LYST: variants seen among roughly 807,000 people sequenced by gnomAD.
LYST encodes the protein lysosomal trafficking regulator.
Under a neutral mutation model 413.6 loss-of-function variants are expected in LYST, and 192 were observed. That is an observed-to-expected ratio of 0.46 (90% CI 0.41 to 0.52). LYST has a LOEUF of 0.52. Among genes scored for constraint, LYST ranks in the 20% least tolerant of loss-of-function variants. The pLI is 0.00. For missense variants in LYST, 3,815 were observed against 4,499.9 expected (o/e 0.85, Z 4.35); for synonymous variants, 1,525 against 1,567.3 (o/e 0.97, Z 0.64).
At chr1:235,828,827 T>G in intron 3 of LYST, 1 of 776,086 alleles carries the variant, frequency 1.3e-6, no homozygotes. Flanking sequence ...ATTTTAAATT[T>G]TATTTACAGA....
Position 235,677,078 on chromosome 1 carries a change from G to C in LYST, c.11038+13C>G, listed in dbSNP as rs1001555884. ...ACCAGCCAGCCCTGTGCTTTGGGTT[G>C]GAGCAAGCTCACCTGAATCACACAC... On this transcript the variant is annotated intron_variant, in intron 50 of 52. Coordinates refer to ENST00000389793, the MANE Select transcript of LYST (RefSeq NM_000081.4). The C allele has an allele frequency of 6.2e-7, 1 of 1,605,254 alleles. No homozygotes were observed. The highest frequency in any genetic ancestry group is 8.5e-7 in the Non-Finnish European group (1 of 1,172,030).
At chr1:235,805,256 C>T (rs1672687479) in intron 6 of LYST, among the ~76,000 whole-genome samples, 2 of 152,140 alleles carry the variant, frequency 1.3e-5, no homozygotes, top group South Asian at 4.1e-4. Context: ...AAGTCTCGTC[C>T]CAGCCTCATT....
At chr1:235,713,614 G>A (rs1662587795) in intron 42 of LYST, among the ~76,000 whole-genome samples, 2 of 152,326 alleles carry the variant, frequency 1.3e-5, no homozygotes, top group South Asian at 2.1e-4. Context: ...GGGGGATGGG[G>A]TGTGGGTGGT....
intron 46 of LYST, among the ~76,000 whole-genome samples, chr1:235,694,123 C>T (rs555355339): frequency 6.8e-4 from 103 of 151,738 alleles, no homozygotes; most frequent in African/African-American, 2.4e-3. Flanking sequence ...GATTCTCGTG[C>T]CTCAGCCTCC....
intron 24 of LYST, among the ~76,000 whole-genome samples, chr1:235,756,528 A>G (rs565579762): frequency 6.6e-6 from 1 of 152,274 alleles, no homozygotes; most frequent in African/African-American, 2.4e-5. Flanking sequence ...CGAGCTCAAT[A>G]CTAGGTTGTA....
At chr1:235,722,051 T>C (rs1248417981) in intron 39 of LYST, among the ~76,000 whole-genome samples, 2 of 152,052 alleles carry the variant, frequency 1.3e-5, no homozygotes, top group African/African-American at 4.8e-5. Flanking sequence ...ATCAGGAAAC[T>C]TGAAAAAGTG....
At chr1:235,785,550 T>A (rs938836328) in intron 14 of LYST, among the ~76,000 whole-genome samples, 1 of 152,190 alleles carries the variant, frequency 6.6e-6, no homozygotes, top group Admixed American at 6.5e-5. Context: ...CTTTGAGGGA[T>A]TTTTGAGAGA....
At chr1:235,706,657 T>G (rs956002609) in intron 44 of LYST, among the ~76,000 whole-genome samples, 3 of 152,200 alleles carry the variant, frequency 2.0e-5, no homozygotes, top group African/African-American at 7.2e-5. Flanking sequence ...AAGGCATTTT[T>G]TCTCCCTTAC....
At chr1:235,776,248 T>C (rs943640100) in intron 17 of LYST, among the ~76,000 whole-genome samples, 8 of 151,070 alleles carry the variant, frequency 5.3e-5, no homozygotes, top group African/African-American at 1.9e-4. Context: ...GATTACAGAG[T>C]ATGGTGGATC....
At chr1:235,669,790 T>C (rs1343466256) in intron 50 of LYST, among the ~76,000 whole-genome samples, 2 of 152,224 alleles carry the variant, frequency 1.3e-5, no homozygotes, top group Non-Finnish European at 2.9e-5. Context: ...CCTGCTTTTG[T>C]TCTTTTGTTG....
chr1:235,719,199 A>G (rs1261563361), intron 40 of LYST, among the ~76,000 whole-genome samples: 4 of 151,946 alleles, frequency 2.6e-5, no homozygotes, highest in African/African-American at 9.7e-5. Context: ...TGTATTTTTA[A>G]TAGAGTTAGG....
chr1:235,775,396 G>A (rs1426963858), intron 17 of LYST, among the ~76,000 whole-genome samples: 2 of 152,186 alleles, frequency 1.3e-5, no homozygotes, highest in African/African-American at 2.4e-5. Flanking sequence ...GACAGGCTCT[G>A]CATTATGTGG....
chr1:235,802,383 T>C (rs565254852), intron 8 of LYST, among the ~76,000 whole-genome samples: 7 of 152,048 alleles, frequency 4.6e-5, no homozygotes, highest in African/African-American at 7.2e-5. Context: ...TAAAGACAAA[T>C]TGAGCTGTGG....
chr1:235,669,211 A>G (rs1355429879), intron 50 of LYST, among the ~76,000 whole-genome samples: 2 of 152,218 alleles, frequency 1.3e-5, no homozygotes, highest in Non-Finnish European at 2.9e-5. Flanking sequence ...GGTCACCAGA[A>G]AAATCAACCA....
chr1:235,847,031 T>C (rs1182757672), intron 1 of LYST, among the ~76,000 whole-genome samples: 5 of 152,290 alleles, frequency 3.3e-5, no homozygotes, highest in Non-Finnish European at 5.9e-5. Flanking sequence ...AAAGATCACC[T>C]GGGAAATTCA....
chr1:235,716,598 T>C (rs1388893251), intron 41 of LYST, 114 bp downstream of exon 41: 4 of 679,246 alleles, frequency 5.9e-6, no homozygotes, highest in Non-Finnish European at 1.1e-5. Context: ...CTGTCAATCC[T>C]AGTACAAGAA....
chr1:235,873,636 G>A (rs938936926), intron 1 of LYST, among the ~76,000 whole-genome samples: 7 of 152,114 alleles, frequency 4.6e-5, no homozygotes, highest in Non-Finnish European at 8.8e-5. Context: ...GTCTATTATT[G>A]AGCATAATTC....
At chr1:235,838,292 T>G (rs1473949351) in intron 1 of LYST, among the ~76,000 whole-genome samples, 2 of 152,056 alleles carry the variant, frequency 1.3e-5, no homozygotes, top group Non-Finnish European at 2.9e-5. Context: ...CAAGATTGAG[T>G]TCCATTGTTC....
intron 1 of LYST, among the ~76,000 whole-genome samples, chr1:235,881,876 G>A (rs1366492927): frequency 6.6e-6 from 1 of 151,980 alleles, no homozygotes; most frequent in Non-Finnish European, 1.5e-5. Flanking sequence ...AGGAAATGAG[G>A]AGTTAGTGTT....
Sources: gnomAD v4.1 joint callset for allele counts (sites outside exome capture counted in the v4.1 genomes callset) on GRCh38, gnomAD v4.1.1 for gene constraint, MANE v1.5 for transcripts, NCBI Gene and HGNC (gene_info 2026-07-23, HGNC 2026-07-21) for gene names.